The following TMOD3 variants were observed in gnomAD, a reference collection of about 807,000 sequenced individuals.
TMOD3 encodes the protein tropomodulin-3.
In TMOD3, 20 loss-of-function variants were observed where a neutral mutation model predicts 39.2. That is an observed-to-expected ratio of 0.51 (90% CI 0.36 to 0.74). The LOEUF is 0.74. TMOD3 is among the 30% of genes least tolerant of loss of function. The pLI, the probability that TMOD3 is intolerant of heterozygous loss-of-function variation, is 0.00. For synonymous variants in TMOD3, 143 were observed against 145.8 expected (o/e 0.98, Z 0.14); for missense variants, 381 against 412.8 (o/e 0.92, Z 0.67).
intron 1 of TMOD3, among the ~76,000 whole-genome samples, chr15:51,850,851 C>T (rs1476809082): frequency 1.3e-5 from 2 of 152,162 alleles, no homozygotes; most frequent in Non-Finnish European, 2.9e-5. Flanking sequence ...ATTCTCCTGC[C>T]TCAGCCTCCT....
chr15:51,866,943 T>C (rs2056449913), intron 2 of TMOD3, among the ~76,000 whole-genome samples: 1 of 151,816 alleles, frequency 6.6e-6, no homozygotes, highest in Non-Finnish European at 1.5e-5. Flanking sequence ...TGATGAGAGG[T>C]TAAGAAAAGC....
At chr15:51,883,765 C>T (rs1363268569) in intron 3 of TMOD3, among the ~76,000 whole-genome samples, 6 of 152,058 alleles carry the variant, frequency 3.9e-5, no homozygotes, top group Admixed American at 6.6e-5. Context: ...TTTTCTAAAG[C>T]TCTCACAGTG....
intron 3 of TMOD3, among the ~76,000 whole-genome samples, chr15:51,876,357 G>T (rs894217539): frequency 6.6e-6 from 1 of 152,020 alleles, no homozygotes; most frequent in African/African-American, 2.4e-5. Flanking sequence ...CTTTTTAGAG[G>T]CGGGTCTTGC....
In TMOD3 at chr15:51,862,974, A is replaced by G. The variant is rs766104616; in HGVS notation, c.90A>G (p.Lys30=). The G allele has an allele frequency of 1.9e-6, 3 of 1,614,072 alleles. No individual in the cohort carries two copies. The Admixed American group carries it at 5.0e-5, about 27-fold the overall frequency. Residue 30 remains lysine (K), a synonymous_variant, in exon 2 of 10, where the codon AAA becomes AAG. Coordinates refer to ENST00000308580, the MANE Select transcript of TMOD3 (RefSeq NM_014547.5). ...LLGNLSETEL[K]QLETVLDDLD... is the part of the protein sequence containing the mutation. ...GGAATCTGTCAGAAACAGAACTGAA[A>G]CAACTGGAAACTGTTTTGGATGATC...
chr15:51,833,513 C>T (rs942750691), intron 1 of TMOD3: 2 of 152,136 alleles, frequency 1.3e-5, no homozygotes, highest in African/African-American at 4.8e-5. Flanking sequence ...TAGAAAGTTC[C>T]CTCACCCACC....
chr15:51,891,239 C>G (rs1206993607), intron 5 of TMOD3, among the ~76,000 whole-genome samples: 3 of 132,438 alleles, frequency 2.3e-5, no homozygotes, highest in Non-Finnish European at 4.6e-5. Flanking sequence ...TCCCCAACCT[C>G]TTTCCTTTTT....
chr15:51,862,730 AT>A (rs2056425291), intron 1 of TMOD3, 80 bp from the exon 2 acceptor site: 1 of 572,602 alleles, frequency 1.7e-6, no homozygotes, highest in Non-Finnish European at 2.8e-6. Flanking sequence ...TGGAAATTAC[AT>A]TTCACTTAAC....
chr15:51,832,446 A>G (rs1168095140), intron 1 of TMOD3, among the ~76,000 whole-genome samples: 1 of 151,852 alleles, frequency 6.6e-6, no homozygotes, highest in Non-Finnish European at 1.5e-5. Context: ...TATACTGTCT[A>G]TACTGTTTGA....
chr15:51,876,299 G>T (rs1030295165), intron 3 of TMOD3, among the ~76,000 whole-genome samples: 8 of 152,080 alleles, frequency 5.3e-5, no homozygotes, highest in Non-Finnish European at 1.0e-4. Context: ...CTCCTAAGTA[G>T]TTGAGACTAC....
At chr15:51,877,987 G>A (rs1215102964) in intron 3 of TMOD3, among the ~76,000 whole-genome samples, 1 of 152,018 alleles carries the variant, frequency 6.6e-6, no homozygotes, top group Admixed American at 6.6e-5. Context: ...CACAACTCCT[G>A]GGCTCCCTCT....
At chr15:51,896,159 T>A (rs78823172) in intron 6 of TMOD3, among the ~76,000 whole-genome samples, 1 of 151,986 alleles carries the variant, frequency 6.6e-6, no homozygotes, top group Non-Finnish European at 1.5e-5. Flanking sequence ...ATAATGAGAA[T>A]TTTTTTTAAC....
At chr15:51,893,617 T>C (rs2056605785) in intron 5 of TMOD3, among the ~76,000 whole-genome samples, 198 bp from the exon 6 acceptor site, 1 of 151,966 alleles carries the variant, frequency 6.6e-6, no homozygotes, top group Non-Finnish European at 1.5e-5. Context: ...TACAAAAAAT[T>C]AGCTGGGCGT....
intron 3 of TMOD3, 174 bp from the exon 4 acceptor site, chr15:51,887,415 A>T: frequency 1.4e-6 from 1 of 692,470 alleles, no homozygotes; most frequent in Non-Finnish European, 2.3e-6. Context: ...TCCAACTTTT[A>T]CAGCCAAAAT....
At position 51,911,870 on chromosome 15, in the gene TMOD3, G is replaced by T. The variant is rs535568788; in HGVS notation, c.*3060G>T. ...ATAGGTGAAATACACTTTCAAAGTT[G>T]CCTGTCATTTAAAAGACCAAATAAG... On this transcript the variant is annotated 3_prime_UTR_variant, in exon 10 of 10. Coordinates refer to ENST00000308580, the MANE Select transcript of TMOD3 (RefSeq NM_014547.5). 6.6e-6 allele frequency: 1 copy of T among 152,170 alleles called. No homozygotes were observed. The highest frequency in any genetic ancestry group is 1.5e-5 in the Non-Finnish European group (1 of 68,018). The allele number at this position is 152,170 out of a possible 1,614,324, so 9.4% of individuals were successfully genotyped here.
intron 1 of TMOD3, among the ~76,000 whole-genome samples, chr15:51,840,093 A>G (rs975622215): frequency 1.3e-4 from 20 of 152,186 alleles, no homozygotes; most frequent in African/African-American, 4.6e-4. Flanking sequence ...CTCACAATCT[A>G]TGGTGGAAAT....
At chr15:51,868,289 G>C (rs958162508) in intron 2 of TMOD3, among the ~76,000 whole-genome samples, 15 of 147,426 alleles carry the variant, frequency 1.0e-4, no homozygotes, top group African/African-American at 3.7e-4. Flanking sequence ...CAGTTATTAA[G>C]CATTAATAAA....
At chr15:51,898,457 C>CT (rs1227798762) in intron 7 of TMOD3, among the ~76,000 whole-genome samples, 1 of 152,138 alleles carries the variant, frequency 6.6e-6, no homozygotes, top group Non-Finnish European at 1.5e-5. Flanking sequence ...ACTTTGCTTA[C>CT]TTTTATTATC....
chr15:51,906,071 CAAGT>C (rs1279470456), intron 9 of TMOD3, among the ~76,000 whole-genome samples: 9 of 148,344 alleles, frequency 6.1e-5, no homozygotes, highest in Non-Finnish European at 1.2e-4. Context: ...TGGAAGGTAA[CAAGT>C]GAGCACCAGG....
chr15:51,897,482 A>ATTTT (rs1167476019), intron 7 of TMOD3, among the ~76,000 whole-genome samples: 12 of 113,046 alleles, frequency 1.1e-4, no homozygotes, highest in African/African-American at 1.7e-4. Flanking sequence ...AAAAAAAAAA[A>ATTTT]TTTTTTTTTT....
Sources: gnomAD v4.1 joint callset for allele counts (sites outside exome capture counted in the v4.1 genomes callset) on GRCh38, gnomAD v4.1.1 for gene constraint, MANE v1.5 for transcripts, NCBI Gene and HGNC (gene_info 2026-07-23, HGNC 2026-07-21) for gene names.